AGAP1: variants seen among roughly 807,000 people sequenced by gnomAD.
AGAP1 encodes the protein ArfGAP with GTPase domain, ankyrin repeat and PH domain 1.
Under a neutral mutation model 105.3 loss-of-function variants are expected in AGAP1, and 29 were observed. That is an observed-to-expected ratio of 0.28 (90% CI 0.21 to 0.38). AGAP1 has a LOEUF of 0.38. Ranked by LOEUF, AGAP1 falls within the 10% of genes least tolerant of loss-of-function variation. The probability of loss-of-function intolerance (pLI) is 1.00; values close to 1 mark genes in which losing one functional copy is unlikely to be tolerated. For synonymous variants in AGAP1, 509 were observed against 485.9 expected, an observed-to-expected ratio of 1.05 and a Z score of -0.63; for missense variants, 998 against 1,165.1, an observed-to-expected ratio of 0.86 and a Z score of 2.09.
At chr2:235,765,639 T>A (rs1348794721) in intron 6 of AGAP1, among the ~76,000 whole-genome samples, 3 of 152,198 alleles carry the variant, frequency 2.0e-5, no homozygotes, top group Non-Finnish European at 4.4e-5. Context: ...GCACTTTGCC[T>A]TGTACGTGTC....
intron 12 of AGAP1, among the ~76,000 whole-genome samples, chr2:235,954,859 A>C (rs1205120627): frequency 6.6e-6 from 1 of 152,130 alleles, no homozygotes; most frequent in Non-Finnish European, 1.5e-5. Context: ...CCTAGGAGAC[A>C]GCCTGACCAG....
In AGAP1 at chr2:235,807,297, G is replaced by A. The variant is rs1234974418; in HGVS notation, c.1016G>A (p.Ser339Asn). ...AAAGGCCTGGAGAGTCGTGCGGACA[G>A]CATTGGGAGCGGCCGAGCCATCCCA... ...EKKGLESRADSIGSGRAIPIK... is the reference protein window; with the variant it reads ...EKKGLESRADNIGSGRAIPIK... Residue 339 changes from serine (S) to asparagine (N), a missense_variant, in exon 9 of 18, where the codon AGC becomes AAC. Physicochemically the swap from Ser to Asn is conservative, Grantham distance 46. Transcript: ENST00000304032. The A allele has an allele frequency of 6.2e-7, 1 of 1,602,850 alleles. No homozygotes were observed. The highest frequency in any genetic ancestry group is 1.8e-5 in the Admixed American group (1 of 56,048).
chr2:235,810,383 TA>T (rs1206646756), intron 9 of AGAP1, among the ~76,000 whole-genome samples: 2 of 152,214 alleles, frequency 1.3e-5, no homozygotes, highest in Non-Finnish European at 2.9e-5. Flanking sequence ...ACACACCAGC[TA>T]ATGGACCTTT....
Position 236,040,333 on chromosome 2 carries a change from A to G in AGAP1, c.1801-418A>G, listed in dbSNP as rs1482469744. 1.3e-5 allele frequency among the ~76,000 whole-genome samples: 2 copies of G among 152,148 alleles called. No homozygotes were observed. The highest frequency in any genetic ancestry group is 2.9e-5 in the Non-Finnish European group (2 of 68,018). On this transcript the variant is annotated intron_variant, in intron 14 of 17. Coordinates refer to ENST00000304032, the MANE Select transcript of AGAP1 (RefSeq NM_001037131.3). This position sits in a 1 kb window ranked among gnomAD's most constrained non-coding sequence, Gnocchi z 5.6. The stretch of plus-strand genomic sequence containing the variant: ...GACAAGGAACCATGAGATATGTCTT[A>G]CATTGCTGATGAAGCCCTAACCCTG...
At position 236,061,871 on chromosome 2, in the gene AGAP1, T is replaced by C. The variant is rs1327186130; in HGVS notation, c.2114+12590T>C. Among the ~76,000 whole-genome samples, 1 of 149,860 alleles carries C rather than the reference T, an allele frequency of 6.7e-6. No individual in the cohort carries two copies. The highest frequency in any genetic ancestry group is 1.5e-5 in the Non-Finnish European group (1 of 67,612). On this transcript the variant is annotated intron_variant, in intron 16 of 17. Transcript: ENST00000304032. The surrounding 1 kb of genome is among the most constrained non-coding windows in gnomAD (Gnocchi z 4.1). ...TGTGAATTTTATGGTATATAAATTA[T>C]GTCAATTTTGAAAAAAAAAAAAAAG...
Position 236,121,590 on chromosome 2 carries a change from C to T in AGAP1, c.2370+1143C>T, listed in dbSNP as rs765573949. 1.2e-4 allele frequency among the ~76,000 whole-genome samples: 18 copies of T among 152,152 alleles called. No homozygotes were observed. The highest frequency in any genetic ancestry group is 2.2e-4 in the Non-Finnish European group (15 of 68,026). On this transcript the variant is annotated intron_variant, in intron 17 of 17. Transcript: ENST00000304032. This position sits in a 1 kb window ranked among gnomAD's most constrained non-coding sequence, Gnocchi z 4.9. ...CTGGGAGTACAGGCATGACCCACCA[C>T]GCCCAGCCTTGATCTGACTTTTTTG...
At chr2:235,770,392 C>T (rs921787793) in intron 6 of AGAP1, among the ~76,000 whole-genome samples, 4 of 152,072 alleles carry the variant, frequency 2.6e-5, no homozygotes, top group Admixed American at 6.5e-5. Context: ...ACCTCGGCCT[C>T]CCAAAGTGCT....
intron 12 of AGAP1, among the ~76,000 whole-genome samples, chr2:235,947,988 G>A (rs752209751): frequency 7.9e-5 from 12 of 152,240 alleles, no homozygotes; most frequent in South Asian, 4.1e-4. Context: ...AAGCCTGAGC[G>A]TTGGGCTAGG....
intron 16 of AGAP1, among the ~76,000 whole-genome samples, chr2:236,117,253 C>A (rs1452288312): frequency 6.6e-6 from 1 of 152,188 alleles, no homozygotes; most frequent in Admixed American, 6.5e-5. Flanking sequence ...CACATCCACG[C>A]CAACATCTAC....
In AGAP1 at chr2:235,747,312, A is replaced by G. The variant is rs1165942342; in HGVS notation, c.538+2473A>G. ...TCCTTGAGTAAAAGAAAGTACCCCCATTTATTCCCATGAATTCCATGAACA... is the reference window on the plus strand; with the variant it reads ...TCCTTGAGTAAAAGAAAGTACCCCCGTTTATTCCCATGAATTCCATGAACA... On this transcript the variant is annotated intron_variant, in intron 5 of 17. Coordinates refer to ENST00000304032, the MANE Select transcript of AGAP1 (RefSeq NM_001037131.3). This position sits in a 1 kb window ranked among gnomAD's most constrained non-coding sequence, Gnocchi z 5.0. Among the ~76,000 whole-genome samples, 1 of 152,042 alleles carries G rather than the reference A, an allele frequency of 6.6e-6. No homozygotes were observed.
At chr2:235,703,890 T>C (rs1950389744) in intron 1 of AGAP1, among the ~76,000 whole-genome samples, 1 of 152,170 alleles carries the variant, frequency 6.6e-6, no homozygotes, top group Non-Finnish European at 1.5e-5. Context: ...GCCTGCAGGC[T>C]AGTCTTGAAC....
intron 1 of AGAP1, among the ~76,000 whole-genome samples, chr2:235,564,631 GGGCCAGGTGTGAGCCTGGA>G (rs1944281012): frequency 9.5e-6 from 1 of 105,208 alleles, no homozygotes; most frequent in African/African-American, 4.2e-5. Flanking sequence ...CCACCACCCA[GGGCCAGGTGTGAGCCTGGA>G]CCACCACCCA....
rs1018314 is a variant in AGAP1 at position 235,701,483 on chromosome 2, C to G, written c.164-7696C>G. Among the ~76,000 whole-genome samples, 64,500 of 151,916 alleles carry G rather than the reference C, an allele frequency of 0.42. 14,482 individuals are homozygous for G. Among genetic ancestry groups the G allele is most frequent in the East Asian group, 0.72 (3,725 of 5,158 alleles). On this transcript the variant is annotated intron_variant, in intron 1 of 17. Coordinates refer to ENST00000304032, the MANE Select transcript of AGAP1 (RefSeq NM_001037131.3). The surrounding 1 kb of genome is among the most constrained non-coding windows in gnomAD (Gnocchi z 4.1). Reference sequence around the variant, plus strand: ...AATGGCAAGGTCAGGGGATGCTGTCCGGACATGTCAGGATGGGAAACTGTC... The same window carrying G: ...AATGGCAAGGTCAGGGGATGCTGTCGGGACATGTCAGGATGGGAAACTGTC...
chr2:235,548,325 A>G (rs1943694808), intron 1 of AGAP1, among the ~76,000 whole-genome samples: 1 of 151,936 alleles, frequency 6.6e-6, no homozygotes, highest in Non-Finnish European at 1.5e-5. Flanking sequence ...CTTCTCCTCC[A>G]CTTTCAGATT....
rs1402423471 is a variant in AGAP1 at position 235,983,847 on chromosome 2, C to T, written c.1645+15224C>T. Among the ~76,000 whole-genome samples the T allele has an allele frequency of 1.3e-5, 2 of 152,286 alleles. No individual in the cohort carries two copies. The highest frequency in any genetic ancestry group is 3.9e-4 in the East Asian group (2 of 5,182). On this transcript the variant is annotated intron_variant, in intron 13 of 17. Transcript: ENST00000304032. The surrounding 1 kb of genome is among the most constrained non-coding windows in gnomAD (Gnocchi z 4.5). ...TGATGGTCACACAATGACAAAATCG[C>T]CTAACGACACATTTCTCAGAATGCA...
At chr2:236,112,354 T>C (rs1330925089) in intron 16 of AGAP1, among the ~76,000 whole-genome samples, 1 of 151,626 alleles carries the variant, frequency 6.6e-6, no homozygotes, top group African/African-American at 2.4e-5. Context: ...AAGTGGAGGT[T>C]GCAGTGAGCC....
chr2:235,500,384 A>C (rs1171261053), intron 1 of AGAP1, among the ~76,000 whole-genome samples: 1 of 152,160 alleles, frequency 6.6e-6, no homozygotes, highest in Non-Finnish European at 1.5e-5. Flanking sequence ...GGTTTGGAGC[A>C]GGACGCACGA....
At position 235,981,868 on chromosome 2, in the gene AGAP1, T is replaced by C. The variant is rs10168016; in HGVS notation, c.1645+13245T>C. 0.11 allele frequency among the ~76,000 whole-genome samples: 16,639 copies of C among 152,202 alleles called. 2,431 individuals carry two copies. Among genetic ancestry groups the C allele is most frequent in the African/African-American group, 0.33 (13,887 of 41,520 alleles). ...ACACATCTCCACGGTGACCTTCCCT[T>C]CCCTTGGAAGGGGGCGCTTGTCTTT... On this transcript the variant is annotated intron_variant, in intron 13 of 17. Transcript: ENST00000304032. The surrounding 1 kb of genome is among the most constrained non-coding windows in gnomAD (Gnocchi z 5.5).
rs1945648858 is a variant in AGAP1, at chr2:235,599,287, G to A, written c.163+104438G>A. On this transcript the variant is annotated intron_variant, in intron 1 of 17. Coordinates refer to ENST00000304032, the MANE Select transcript of AGAP1 (RefSeq NM_001037131.3). This position sits in a 1 kb window ranked among gnomAD's most constrained non-coding sequence, Gnocchi z 5.3. ...CTGTGGGCTGCAGTACGTTTACACTGTGTGTTGGGGGGGTGGCAGTGTGCT... is the reference window on the plus strand; with the variant it reads ...CTGTGGGCTGCAGTACGTTTACACTATGTGTTGGGGGGGTGGCAGTGTGCT... Among the ~76,000 whole-genome samples the A allele has an allele frequency of 6.6e-6, 1 of 152,154 alleles. No individual in the cohort carries two copies. The highest frequency in any genetic ancestry group is 6.5e-5 in the Admixed American group (1 of 15,268).
Sources: allele counts gnomAD v4.1 joint callset (sites outside exome capture counted in the v4.1 genomes callset), GRCh38; gene constraint gnomAD v4.1.1; non-coding constraint Gnocchi (gnomAD v3.1); transcripts MANE v1.5; gene names NCBI Gene and HGNC (gene_info 2026-07-23, HGNC 2026-07-21).